The following BCL2L13 variants were observed in gnomAD, a reference collection of about 807,000 sequenced individuals.
BCL2L13 encodes the protein BCL2 like 13.
Under a neutral mutation model 25.8 loss-of-function variants are expected in BCL2L13, and 13 were observed. The observed-to-expected ratio is 0.50, with a 90% CI of 0.33 to 0.80. BCL2L13 has a LOEUF of 0.80. Ranked by LOEUF, BCL2L13 falls within the 30% of genes least tolerant of loss-of-function variation. The probability of loss-of-function intolerance (pLI) is 0.02; values close to 1 mark genes in which losing one functional copy is unlikely to be tolerated. For synonymous variants in BCL2L13, 244 were observed against 230.3 expected, an observed-to-expected ratio of 1.06 and a Z score of -0.54; for missense variants, 504 against 574.9, an observed-to-expected ratio of 0.88 and a Z score of 1.26.
rs150144355 is a variant in BCL2L13, at chr22:17,661,472, T to C, written c.121+5640T>C. Among the ~76,000 whole-genome samples, 59 of 146,258 alleles carry C rather than the reference T, an allele frequency of 4.0e-4. 2 individuals carry two copies. Among genetic ancestry groups the C allele is most frequent in the African/African-American group, 1.4e-3 (56 of 41,246 alleles). On this transcript the variant is annotated intron_variant, in intron 2 of 6. Coordinates refer to ENST00000317582, the MANE Select transcript of BCL2L13 (RefSeq NM_015367.4). ...TTTTCTTTTTATAATAAAATTTCTC[T>C]AGGTGAAGGATAAAGGTTGAACCTC...
At chr22:17,722,301 T>A (rs2061161237) in intron 6 of BCL2L13, among the ~76,000 whole-genome samples, 1 of 151,814 alleles carries the variant, frequency 6.6e-6, no homozygotes. Flanking sequence ...CGATCATAGC[T>A]CAGTGCAGAC....
At chr22:17,663,245 C>T (rs867157186) in intron 2 of BCL2L13, among the ~76,000 whole-genome samples, 9 of 152,154 alleles carry the variant, frequency 5.9e-5, no homozygotes, top group South Asian at 4.1e-4. Flanking sequence ...GCCATTCTAG[C>T]TTAAGAGTGA....
intron 2 of BCL2L13, among the ~76,000 whole-genome samples, chr22:17,656,967 C>T (rs752902337): frequency 2.6e-5 from 4 of 152,070 alleles, no homozygotes; most frequent in South Asian, 2.1e-4. Flanking sequence ...TATAGGCGCA[C>T]GCTGCCACGC....
chr22:17,660,144 A>G (rs772663801), intron 2 of BCL2L13, among the ~76,000 whole-genome samples: 5 of 146,814 alleles, frequency 3.4e-5, no homozygotes, highest in Non-Finnish European at 7.7e-5. Context: ...GGCACGAGCC[A>G]TGGCGCCTGG....
chr22:17,646,888 TTGTGTGTGTGTGTGTG>T (rs71201853), intron 1 of BCL2L13, among the ~76,000 whole-genome samples: 12 of 89,946 alleles, frequency 1.3e-4, no homozygotes, highest in South Asian at 5.0e-4. Context: ...CCCAGCTAAT[TTGTGTGTGTGTGTGTG>T]TGTGTGTGTG....
intron 6 of BCL2L13, among the ~76,000 whole-genome samples, chr22:17,718,977 G>A (rs1269793335): frequency 6.6e-6 from 1 of 151,766 alleles, no homozygotes; most frequent in Admixed American, 6.6e-5. Flanking sequence ...TGGGCAACAT[G>A]GTGAAACCCC....
At chr22:17,725,104 C>G (rs2061259501) in intron 6 of BCL2L13, among the ~76,000 whole-genome samples, 1 of 152,224 alleles carries the variant, frequency 6.6e-6, no homozygotes. Context: ...TGCTTTCACT[C>G]AGACTTCCTG....
At chr22:17,662,519 C>G (rs1029624303) in intron 2 of BCL2L13, among the ~76,000 whole-genome samples, 1 of 151,856 alleles carries the variant, frequency 6.6e-6, no homozygotes, top group Non-Finnish European at 1.5e-5. Context: ...AATTAGTCTT[C>G]TTCATTAAAA....
At chr22:17,636,074 A>G (rs541235870), upstream of BCL2L13, among the ~76,000 whole-genome samples, 1 of 149,018 alleles carries the variant, frequency 6.7e-6, no homozygotes, top group South Asian at 2.1e-4. Context: ...CTGTAATCCC[A>G]CCACTTTGGG....
At chr22:17,648,014 G>A (rs575512206) in intron 1 of BCL2L13, among the ~76,000 whole-genome samples, 10 of 151,830 alleles carry the variant, frequency 6.6e-5, no homozygotes, top group Non-Finnish European at 1.3e-4. Context: ...CCTGTAGTCC[G>A]AGCTGCTTGG....
In BCL2L13 at chr22:17,655,785, T is replaced by G. The variant is rs758714231; in HGVS notation, c.74T>G (p.Leu25Arg). ...TATGTTGTTCTCAGCTACTTGGGACTCCTCTCTCAAGAGAAGCTGCAAGAG... is the reference window on the plus strand; with the variant it reads ...TATGTTGTTCTCAGCTACTTGGGACGCCTCTCTCAAGAGAAGCTGCAAGAG... ...TKYVVLSYLG[L>R]LSQEKLQEQH... The change falls in exon 2 of 7, where the codon CTC (leucine) becomes CGC (arginine). Residue 25 changes from leucine (L) to arginine (R), a missense_variant. Transcript: ENST00000317582. The G allele has an allele frequency of 6.2e-7, 1 of 1,613,754 alleles. No homozygotes were observed. The highest frequency in any genetic ancestry group is 8.5e-7 in the Non-Finnish European group (1 of 1,179,834).
intron 6 of BCL2L13, among the ~76,000 whole-genome samples, chr22:17,725,677 T>A (rs1442674319): frequency 6.6e-6 from 1 of 152,202 alleles, no homozygotes; most frequent in Non-Finnish European, 1.5e-5. Context: ...TTTTCTCTGC[T>A]GTTTTGCATT....
intron 2 of BCL2L13, among the ~76,000 whole-genome samples, chr22:17,668,142 C>G (rs1029008912): frequency 2.0e-5 from 3 of 151,576 alleles, no homozygotes; most frequent in African/African-American, 7.3e-5. Context: ...TCCCAAGTAG[C>G]TGGGATTACA....
Position 17,638,837 on chromosome 22 carries a change from A to G in BCL2L13, c.-100A>G, listed in dbSNP as rs1341022730. On this transcript the variant is annotated 5_prime_UTR_variant, in exon 1 of 7. Transcript: ENST00000317582. ...CCGCTGGGGGACCCTGTCGGAAGCA[A>G]CTGCCGCCGCCGCCTCTTTCATCTC... is the stretch of plus-strand genomic sequence containing the variant. The G allele has an allele frequency of 8.1e-7, 1 of 1,231,952 alleles. No individual in the cohort carries two copies. The highest frequency in any genetic ancestry group is 1.0e-6 in the Non-Finnish European group (1 of 988,332). The allele number at this position is 1,231,952 out of a possible 1,614,324, so 76.3% of individuals were successfully genotyped here. A position where few individuals can be genotyped will look rare whatever the true frequency, so the allele number is the denominator to read the frequency against.
At chr22:17,708,637 CA>C (rs1445311140) in intron 6 of BCL2L13, among the ~76,000 whole-genome samples, 4 of 152,124 alleles carry the variant, frequency 2.6e-5, no homozygotes, top group Non-Finnish European at 5.9e-5. Context: ...TATTTAAAAA[CA>C]AAAACAAAAA....
intron 6 of BCL2L13, among the ~76,000 whole-genome samples, chr22:17,713,799 C>CA (rs538402606): frequency 1.1e-3 from 168 of 151,338 alleles, no homozygotes; most frequent in African/African-American, 4.0e-3. Flanking sequence ...ATGGTAAAGT[C>CA]AAAATATTAT....
chr22:17,650,724 A>T (rs5992778), intron 1 of BCL2L13, among the ~76,000 whole-genome samples: 16,918 of 151,716 alleles, frequency 0.11, 1,129 homozygotes, highest in African/African-American at 0.16. Flanking sequence ...GGTTTTTTTT[A>T]AAAGATAGGA....
chr22:17,696,041 T>G, intron 4 of BCL2L13, 100 bp from the exon 5 acceptor site: 2 of 817,068 alleles, frequency 2.4e-6, no homozygotes, highest in South Asian at 2.9e-5. Flanking sequence ...CTTTGTCAGT[T>G]TAGCAAAAAG....
At chr22:17,662,646 G>A (rs1051198463) in intron 2 of BCL2L13, among the ~76,000 whole-genome samples, 18 of 151,704 alleles carry the variant, frequency 1.2e-4, no homozygotes, top group Admixed American at 2.0e-4. Context: ...GCGAAACCCC[G>A]CCTCTACAAA....
Sources: gnomAD v4.1 joint callset for allele counts (sites outside exome capture counted in the v4.1 genomes callset) on GRCh38, gnomAD v4.1.1 for gene constraint, MANE v1.5 for transcripts, NCBI Gene and HGNC (gene_info 2026-07-23, HGNC 2026-07-21) for gene names.